PTPRD: variants seen among roughly 807,000 people sequenced by gnomAD.
The protein encoded by PTPRD is receptor-type tyrosine-protein phosphatase delta.
Under a neutral mutation model 214.5 loss-of-function variants are expected in PTPRD, and 34 were observed. The ratio of observed to expected loss-of-function variants is 0.16; its 90% CI spans 0.12 to 0.21. The LOEUF (loss-of-function observed/expected upper bound fraction) is 0.21. Among genes scored for constraint, PTPRD ranks in the 10% least tolerant of loss-of-function variants. The pLI is 1.00. For synonymous variants in PTPRD, 1,128 were observed against 845.7 expected (o/e 1.33, Z -5.79); for missense variants, 2,545 against 2,398.7 (o/e 1.06, Z -1.27).
intron 11 of PTPRD, among the ~76,000 whole-genome samples, chr9:8,764,749 T>A (rs971396948): frequency 9.9e-5 from 15 of 151,650 alleles, no homozygotes; most frequent in African/African-American, 2.9e-4. Context: ...GAGCCGAGAT[T>A]GCCCCATTGC....
At chr9:8,512,379 TTA>T (rs2097699949) in intron 21 of PTPRD, among the ~76,000 whole-genome samples, 1 of 152,064 alleles carries the variant, frequency 6.6e-6, no homozygotes, top group South Asian at 2.1e-4. Context: ...ATAGTTGTAT[TTA>T]TATCCAGTGC....
chr9:8,825,819 C>G (rs564431093), intron 11 of PTPRD, among the ~76,000 whole-genome samples: 1 of 152,044 alleles, frequency 6.6e-6, no homozygotes, highest in African/African-American at 2.4e-5. Flanking sequence ...TTCCGACATT[C>G]CCATGGCATT....
intron 9 of PTPRD, among the ~76,000 whole-genome samples, chr9:9,395,641 C>CCATTATT (rs1176201790): frequency 6.6e-6 from 1 of 152,024 alleles, no homozygotes; most frequent in Non-Finnish European, 1.5e-5. Context: ...CCTCTTGACC[C>CCATTATT]CATTATTCAT....
chr9:10,014,670 C>T (rs945073920), intron 4 of PTPRD, among the ~76,000 whole-genome samples: 2 of 151,724 alleles, frequency 1.3e-5, no homozygotes, highest in Non-Finnish European at 2.9e-5. Flanking sequence ...AGAAATGAAA[C>T]GTGAAATAAG....
At chr9:10,142,249 G>T (rs2098991046) in intron 3 of PTPRD, among the ~76,000 whole-genome samples, 1 of 151,280 alleles carries the variant, frequency 6.6e-6, no homozygotes, top group African/African-American at 2.4e-5. Context: ...AAAAGCAATG[G>T]CAACAAAAGC....
intron 7 of PTPRD, among the ~76,000 whole-genome samples, chr9:9,728,791 A>G (rs912050952): frequency 2.0e-5 from 3 of 152,150 alleles, no homozygotes; most frequent in African/African-American, 7.2e-5. Flanking sequence ...CCATTTTCCT[A>G]TTAGAAAGTA....
At chr9:8,724,703 G>T (rs891338631) in intron 12 of PTPRD, among the ~76,000 whole-genome samples, 8 of 152,064 alleles carry the variant, frequency 5.3e-5, no homozygotes, top group African/African-American at 1.9e-4. Context: ...GGAGGCCAAG[G>T]TGGGTGGAGA....
intron 7 of PTPRD, among the ~76,000 whole-genome samples, chr9:9,613,770 G>A (rs1198094077): frequency 6.6e-6 from 1 of 152,158 alleles, no homozygotes; most frequent in African/African-American, 2.4e-5. Flanking sequence ...CTAGGAGCCT[G>A]TATTTTATAG....
intron 8 of PTPRD, among the ~76,000 whole-genome samples, chr9:9,490,982 C>T (rs1178728298): frequency 4.1e-5 from 4 of 96,520 alleles, no homozygotes; most frequent in Non-Finnish European, 4.2e-5. Flanking sequence ...TATAAATGAA[C>T]ATTGTCTAAA....
chr9:9,870,437 G>A (rs1161561135), intron 5 of PTPRD, among the ~76,000 whole-genome samples: 1 of 151,822 alleles, frequency 6.6e-6, no homozygotes, highest in African/African-American at 2.4e-5. Flanking sequence ...TATATCCACA[G>A]AAAATGTAAA....
intron 6 of PTPRD, among the ~76,000 whole-genome samples, chr9:9,760,420 G>T (rs574567131): frequency 2.0e-5 from 3 of 151,892 alleles, no homozygotes; most frequent in Admixed American, 6.6e-5. Context: ...AGACACAAGG[G>T]CTTGATATTT....
intron 5 of PTPRD, among the ~76,000 whole-genome samples, chr9:9,795,072 C>T (rs1486061739): frequency 6.6e-6 from 1 of 152,194 alleles, no homozygotes; most frequent in Admixed American, 6.5e-5. Flanking sequence ...GGAGCCCTTG[C>T]GTGGGCTTCA....
At chr9:8,529,191 G>C (rs1251882870) in intron 14 of PTPRD, among the ~76,000 whole-genome samples, 2 of 152,062 alleles carry the variant, frequency 1.3e-5, no homozygotes, top group African/African-American at 2.4e-5. Context: ...AATGTCACAA[G>C]TGTAGGCATT....
intron 3 of PTPRD, among the ~76,000 whole-genome samples, chr9:10,076,356 A>G (rs922701289): frequency 3.9e-5 from 6 of 152,098 alleles, no homozygotes; most frequent in African/African-American, 9.7e-5. Flanking sequence ...CTCTGTGGGA[A>G]GATTTTCTCA....
intron 3 of PTPRD, among the ~76,000 whole-genome samples, chr9:10,183,324 G>A (rs2099311639): frequency 6.6e-6 from 1 of 152,122 alleles, no homozygotes. Context: ...GAGTTGTATT[G>A]CATGGATGGA....
At chr9:9,415,264 A>G (rs1467962970) in intron 8 of PTPRD, among the ~76,000 whole-genome samples, 1 of 152,084 alleles carries the variant, frequency 6.6e-6, no homozygotes, top group East Asian at 1.9e-4. Context: ...TCTCGAGGCT[A>G]GGAGTTTGAG....
chr9:10,495,158 A>T (rs568282668), intron 2 of PTPRD, among the ~76,000 whole-genome samples: 2 of 151,856 alleles, frequency 1.3e-5, no homozygotes, highest in Non-Finnish European at 1.5e-5. Flanking sequence ...TAGTTTCTCA[A>T]TGTTGTACAA....
chr9:10,588,975 G>T (rs769555326), intron 2 of PTPRD, among the ~76,000 whole-genome samples: 7 of 151,982 alleles, frequency 4.6e-5, no homozygotes, highest in South Asian at 2.1e-4. Context: ...CTTACTGAAT[G>T]AGTAATATTG....
intron 11 of PTPRD, among the ~76,000 whole-genome samples, chr9:8,969,398 A>T (rs911633640): frequency 6.6e-6 from 1 of 152,070 alleles, no homozygotes; most frequent in Non-Finnish European, 1.5e-5. Flanking sequence ...CTTTTCCTCA[A>T]ATATGAAAGG....
Sources: gnomAD v4.1 joint callset for allele counts (sites outside exome capture counted in the v4.1 genomes callset) on GRCh38, gnomAD v4.1.1 for gene constraint, MANE v1.5 for transcripts, NCBI Gene and HGNC (gene_info 2026-07-23, HGNC 2026-07-21) for gene names.